The following BMS1 variants were observed in gnomAD, a reference collection of about 807,000 sequenced individuals.
The protein encoded by BMS1 is ribosome biogenesis protein BMS1 homolog.
In BMS1, 53 loss-of-function variants were observed where a neutral mutation model predicts 138.7. That is an observed-to-expected ratio of 0.38 (90% CI 0.31 to 0.48). The LOEUF (loss-of-function observed/expected upper bound fraction) is 0.48, where lower values mean the gene tolerates loss of function less well. Ranked by LOEUF, BMS1 falls within the 20% of genes least tolerant of loss-of-function variation. The pLI, the probability that BMS1 is intolerant of heterozygous loss-of-function variation, is 0.97. For synonymous variants in BMS1, 504 were observed against 539.9 expected, an observed-to-expected ratio of 0.93 and a Z score of 0.92; for missense variants, 1,360 against 1,565.5, an observed-to-expected ratio of 0.87 and a Z score of 2.22.
At chr10:42,800,445 T>C (rs918532477) in intron 12 of BMS1, among the ~76,000 whole-genome samples, 11 of 152,176 alleles carry the variant, frequency 7.2e-5, no homozygotes, top group African/African-American at 2.7e-4. Context: ...CTTTATGTAT[T>C]AGCTGTAACA....
At chr10:42,798,840 G>A (rs960544827) in intron 12 of BMS1, among the ~76,000 whole-genome samples, 3 of 152,220 alleles carry the variant, frequency 2.0e-5, no homozygotes, top group Non-Finnish European at 4.4e-5. Context: ...CAGAGGACAG[G>A]TTCAGCTTTC....
At chr10:42,817,288 A>T in intron 14 of BMS1, 30 bp from the exon 15 acceptor site, 1 of 1,497,784 alleles carries the variant, frequency 6.7e-7, no homozygotes, top group Non-Finnish European at 9.0e-7. Flanking sequence ...TCATAAACAT[A>T]CACAAAATTT....
Position 42,811,611 on chromosome 10 carries a change from G to A in BMS1, c.2330-4988G>A, listed in dbSNP as rs866669608. Among the ~76,000 whole-genome samples, 78 of 124,464 alleles carry A rather than the reference G, an allele frequency of 6.3e-4. No homozygotes were observed. The Middle Eastern group carries it at 0.038, about 60-fold the overall frequency. The allele number at this position is 124,464 out of a possible 152,430, so 81.7% of individuals were successfully genotyped here. The stretch of plus-strand genomic sequence containing the variant: ...GGGATCTCGGCTCACTGCAAGCTCC[G>A]CCTCCTGGGTTCACGCCATTCTCCT... On this transcript the variant is annotated intron_variant, in intron 13 of 22. Coordinates refer to ENST00000374518, the MANE Select transcript of BMS1 (RefSeq NM_014753.4).
chr10:42,831,140 C>T lies in BMS1; in HGVS notation c.*44C>T. On this transcript the variant is annotated 3_prime_UTR_variant, in exon 23 of 23. Transcript: ENST00000374518. ...CTGTCCCTGGATCTGCGGAGGTAGA[C>T]AGTTTCAAACATCACAGTTTGAATG... The T allele has an allele frequency of 1.3e-6, 2 of 1,510,766 alleles. No individual in the cohort carries two copies. The highest frequency in any genetic ancestry group is 1.8e-6 in the Non-Finnish European group (2 of 1,121,734). The allele number at this position is 1,510,766 out of a possible 1,614,324, so 93.6% of individuals were successfully genotyped here.
At chr10:42,825,450 T>C (rs959393863) in intron 21 of BMS1, among the ~76,000 whole-genome samples, 3 of 152,264 alleles carry the variant, frequency 2.0e-5, no homozygotes, top group African/African-American at 7.2e-5. Context: ...TCTTTCCATT[T>C]GTTCATGTCT....
chr10:42,815,684 T>G lies in BMS1; in HGVS notation c.2330-915T>G, dbSNP rs577611937. On this transcript the variant is annotated intron_variant, in intron 13 of 22. Coordinates refer to ENST00000374518, the MANE Select transcript of BMS1 (RefSeq NM_014753.4). ...CCCCAAAGTGCTGGGTTTACAGGCGTGAGCCACTGCACCCAGCCTTACTTG... is the reference window on the plus strand; with the variant it reads ...CCCCAAAGTGCTGGGTTTACAGGCGGGAGCCACTGCACCCAGCCTTACTTG... Among the ~76,000 whole-genome samples the G allele has an allele frequency of 5.3e-4, 81 of 152,264 alleles. 1 individual carries two copies. The highest frequency in any genetic ancestry group is 1.9e-3 in the African/African-American group (78 of 41,558).
chr10:42,805,967 T>C (rs1274359854), intron 13 of BMS1, among the ~76,000 whole-genome samples: 1 of 152,128 alleles, frequency 6.6e-6, no homozygotes, highest in Non-Finnish European at 1.5e-5. Flanking sequence ...GCCTGGCTAG[T>C]TTTTTTATTT....
At chr10:42,798,116 G>A (rs1410827113) in intron 11 of BMS1, among the ~76,000 whole-genome samples, 1 of 152,178 alleles carries the variant, frequency 6.6e-6, no homozygotes, top group East Asian at 1.9e-4. Flanking sequence ...GGTACTCTTA[G>A]TGATGAGAGG....
In BMS1 at chr10:42,796,859, G is replaced by C; in HGVS notation, c.1615G>C (p.Gly539Arg). The C allele has an allele frequency of 1.2e-6, 2 of 1,614,198 alleles. No homozygotes were observed. The highest frequency in any genetic ancestry group is 2.2e-5 in the South Asian group (2 of 91,086). ...CACTGCAGGAGAGAAGGGCATTTCA[G>C]GATCAAAGGCTGCTGGAGAAGGTAG... ...DCTAGEKGIS[G>R]SKAAGEGSKA... The change falls in exon 10 of 23, where the codon GGA (glycine) becomes CGA (arginine). Residue 539 changes from glycine (G) to arginine (R), a missense_variant. By Grantham distance (125) the Gly-to-Arg change is moderately radical (BLOSUM62 -2). Coordinates refer to ENST00000374518, the MANE Select transcript of BMS1 (RefSeq NM_014753.4).
chr10:42,792,821 C>G (rs1411193719), intron 7 of BMS1, 136 bp from the exon 8 acceptor site: 1 of 1,285,996 alleles, frequency 7.8e-7, no homozygotes, highest in African/African-American at 1.5e-5. Context: ...GGCCACTGTT[C>G]CAGTGTGGCA....
chr10:42,790,612 G>C, intron 5 of BMS1, 101 bp downstream of exon 5: 2 of 1,280,094 alleles, frequency 1.6e-6, no homozygotes, highest in Non-Finnish European at 2.2e-6. Context: ...CCAGCACTTT[G>C]CAAGGCAGAG....
chr10:42,801,510 T>C (rs1338339894), intron 12 of BMS1, among the ~76,000 whole-genome samples: 1 of 152,266 alleles, frequency 6.6e-6, no homozygotes, highest in Non-Finnish European at 1.5e-5. Context: ...CAGCACTTGC[T>C]ATTATCTGTC....
intron 2 of BMS1, 108 bp downstream of exon 2, chr10:42,784,678 A>G: frequency 7.7e-7 from 1 of 1,293,320 alleles, no homozygotes; most frequent in East Asian, 2.5e-5. Context: ...GCTCCAAAGG[A>G]CATGGAGATT....
rs764442757 is a variant in BMS1 at position 42,823,135 on chromosome 10, C to G, written c.3150C>G (p.Ala1050=). 4.4e-6 allele frequency: 7 copies of G among 1,597,292 alleles called. No individual in the cohort carries two copies. In the East Asian group the frequency reaches 1.1e-4, roughly 26 times the overall value. Reference sequence around the variant, plus strand: ...ACCTGTAGGGAATGTTTAATTCTGCCTTGGAAGTGGCCAAATTTGAAGGTG... The same window carrying G: ...ACCTGTAGGGAATGTTTAATTCTGCGTTGGAAGTGGCCAAATTTGAAGGTG... ...TSFIKGMFNS[A]LEVAKFEGAV... Residue 1050 remains alanine (A), a synonymous_variant, in exon 20 of 23, where the codon GCC becomes GCG. Transcript: ENST00000374518.
Position 42,797,060 on chromosome 10 carries a change from G to A in BMS1, c.1816G>A (p.Asp606Asn), listed in dbSNP as rs375241804. 20 of 1,614,188 alleles carry A rather than the reference G, an allele frequency of 1.2e-5. No individual in the cohort carries two copies. The African/African-American group carries it at 2.4e-4, about 19-fold the overall frequency. The change falls in exon 10 of 23, where the codon GAC becomes AAC. Residue 606 changes from aspartate to asparagine, a missense_variant. Asp to Asn is a conservative substitution (Grantham distance 23, BLOSUM62 1). This residue lies in a region of BMS1 where 697 missense variants were observed against 686.2 expected (regional missense o/e 1.02). Transcript: ENST00000374518. The stretch of plus-strand genomic sequence containing the variant: ...CTCCTCACTCAGTGCAGAGGAAGAA[G>A]ACTCAGAAAATGAAGAGGCTATTAG... ...ESSSLSAEEEDSENEEAIRKK... is the reference protein window; with the variant it reads ...ESSSLSAEEENSENEEAIRKK...
intron 22 of BMS1, among the ~76,000 whole-genome samples, chr10:42,830,645 T>C (rs1350248372): frequency 1.3e-5 from 2 of 152,132 alleles, no homozygotes; most frequent in African/African-American, 4.8e-5. Flanking sequence ...TCTGTCTCGG[T>C]TAGCTGCACA....
chr10:42,816,553 A>G, intron 13 of BMS1, 46 bp from the exon 14 acceptor site: 1 of 1,537,290 alleles, frequency 6.5e-7, no homozygotes, highest in Non-Finnish European at 8.9e-7. Flanking sequence ...CCAGCAGCAC[A>G]TGCATACCTG....
At chr10:42,804,721 CA>C (rs1012790158) in intron 13 of BMS1, among the ~76,000 whole-genome samples, 12 of 130,586 alleles carry the variant, frequency 9.2e-5, no homozygotes, top group East Asian at 5.0e-4. Flanking sequence ...GTCAATTTAT[CA>C]AAAAAAAATT....
Position 42,811,520 on chromosome 10 carries a change from C to T in BMS1, c.2330-5079C>T, listed in dbSNP as rs1370725887. The stretch of plus-strand genomic sequence containing the variant: ...CACAAATGTTCACGTGTTGTATTTT[C>T]TTTTTCTTTTTTTTTTTTTTTTGAG... On this transcript the variant is annotated intron_variant, in intron 13 of 22. Transcript: ENST00000374518. Among the ~76,000 whole-genome samples, 50 of 121,576 alleles carry T rather than the reference C, an allele frequency of 4.1e-4. 2 individuals carry two copies. In the South Asian group the frequency reaches 0.012, roughly 29 times the overall value. The allele number at this position is 121,576 out of a possible 152,430, so 79.8% of individuals were successfully genotyped here. A position where few individuals can be genotyped will look rare whatever the true frequency, so the allele number is the denominator to read the frequency against.
Sources: gnomAD v4.1 joint callset for allele counts (sites outside exome capture counted in the v4.1 genomes callset) on GRCh38, gnomAD v4.1.1 for gene constraint, gnomAD v4.1.1 regional missense constraint, MANE v1.5 for transcripts, NCBI Gene and HGNC (gene_info 2026-07-23, HGNC 2026-07-21) for gene names.